FGFR1: variants seen among roughly 807,000 people sequenced by gnomAD.
FGFR1 encodes the protein FGFR1/PLAG1 fusion.
Under a neutral mutation model 93.7 loss-of-function variants are expected in FGFR1, and 18 were observed. The observed-to-expected ratio is 0.19, with a 90% confidence interval of 0.13 to 0.28. The LOEUF (loss-of-function observed/expected upper bound fraction) is 0.28. Among genes scored for constraint, FGFR1 ranks in the 10% least tolerant of loss-of-function variants. The pLI is 1.00. For missense variants in FGFR1, 731 were observed against 1,080.4 expected (o/e 0.68, Z 4.53); for synonymous variants, 448 against 429.3 (o/e 1.04, Z -0.54).
intron 2 of FGFR1, among the ~76,000 whole-genome samples, chr8:38,455,248 T>C (rs1336888313): frequency 6.6e-6 from 1 of 152,172 alleles, no homozygotes; most frequent in Non-Finnish European, 1.5e-5. Context: ...AATGTTGAGA[T>C]TACCAGCATA....
At chr8:38,443,076 G>GT (rs1169668631) in intron 2 of FGFR1, among the ~76,000 whole-genome samples, 1 of 152,208 alleles carries the variant, frequency 6.6e-6, no homozygotes, top group East Asian at 1.9e-4. Context: ...GTAGAATAGT[G>GT]GTTACCAAGG....
rs200408837 is a variant in FGFR1, at chr8:38,413,736, C to G, written c.2361G>C (p.Thr787=). ...AGACGGAATCCTCCCCTGAGGAGCA[C>G]GTAGAGCTCCGGGTGTCGGGAAAGC... The part of the protein sequence containing the change: ...SPSFPDTRSS[T]CSSGEDSVFS... The change falls in exon 18 of 18, where the codon ACG becomes ACC. Residue 787 remains threonine (T), a synonymous_variant. Transcript: ENST00000447712. This position sits in a 1 kb window ranked among gnomAD's most constrained non-coding sequence, Gnocchi z 4.2. 6.2e-7 allele frequency: 1 copy of G among 1,614,066 alleles called. No individual in the cohort carries two copies. The highest frequency in any genetic ancestry group is 1.1e-5 in the South Asian group (1 of 91,076).
At position 38,457,459 on chromosome 8, in the gene FGFR1, G is replaced by C; in HGVS notation, c.-13C>G. Reference sequence around the variant, plus strand: ...TCCAGCTCCACATCCCAGTTCTGCAGTTAGAGGTTGGTGACAAGGCTCCAC... The same window carrying C: ...TCCAGCTCCACATCCCAGTTCTGCACTTAGAGGTTGGTGACAAGGCTCCAC... On this transcript the variant is annotated 5_prime_UTR_variant, in exon 2 of 18. Coordinates refer to ENST00000447712, the MANE Select transcript of FGFR1 (RefSeq NM_023110.3). 2 of 1,613,996 alleles carry C rather than the reference G, an allele frequency of 1.2e-6. No homozygotes were observed. Among genetic ancestry groups the C allele is most frequent in the Non-Finnish European group, 1.7e-6 (2 of 1,180,004 alleles).
intron 1 of FGFR1, chr8:38,461,171 G>T (rs1197297293): frequency 2.0e-6 from 3 of 1,530,628 alleles, no homozygotes; most frequent in Non-Finnish European, 2.6e-6. Flanking sequence ...TCTCACTGGA[G>T]TACTGATCCA....
chr8:38,421,757 G>A (rs1289506103), intron 8 of FGFR1, 40 bp downstream of exon 8: 2 of 1,608,438 alleles, frequency 1.2e-6, no homozygotes, highest in East Asian at 2.2e-5. Flanking sequence ...CGTGCCCGTG[G>A]CGAGGGCAGG....
At position 38,413,987 on chromosome 8, in the gene FGFR1, G is replaced by A. The variant is rs2150522221; in HGVS notation, c.2223C>T (p.Pro741=). 1.9e-6 allele frequency: 3 copies of A among 1,614,128 alleles called. No homozygotes were observed. The highest frequency in any genetic ancestry group is 1.3e-5 in the African/African-American group (1 of 75,044). ...MMMRDCWHAV[P]SQRPTFKQLV... ...GCTGCTTGAAGGTGGGTCTCTGTGAGGGCACTGCATGCCAGCAGTCCCGCA... is the reference window on the plus strand; with the variant it reads ...GCTGCTTGAAGGTGGGTCTCTGTGAAGGCACTGCATGCCAGCAGTCCCGCA... Residue 741 remains proline (P), a synonymous_variant, in exon 17 of 18, where the codon CCC becomes CCT. Coordinates refer to ENST00000447712, the MANE Select transcript of FGFR1 (RefSeq NM_023110.3). The surrounding 1 kb of genome is among the most constrained non-coding windows in gnomAD (Gnocchi z 4.2).
At chr8:38,417,165 G>C in intron 12 of FGFR1, 141 bp downstream of exon 12, 1 of 736,062 alleles carries the variant, frequency 1.4e-6, no homozygotes, top group East Asian at 2.5e-5. Flanking sequence ...CAGATCCCGA[G>C]ATAACACATT....
Position 38,422,631 on chromosome 8 carries a change from G to C in FGFR1, c.937-690C>G, listed in dbSNP as rs553976311. 2.0e-4 allele frequency: 56 copies of C among 285,638 alleles called. No homozygotes were observed. The South Asian group carries it at 3.0e-3, about 15-fold the overall frequency. The allele number at this position is 285,638 out of a possible 1,614,324, so 17.7% of individuals were successfully genotyped here. On this transcript the variant is annotated intron_variant, in intron 7 of 17. Transcript: ENST00000447712. ...TGCCCAGGCTGGTCTCAAACTCCTG[G>C]CTTCAAGCGATCCTCCCACCTCAGC...
At chr8:38,440,971 C>T (rs1019492603) in intron 2 of FGFR1, among the ~76,000 whole-genome samples, 1 of 152,184 alleles carries the variant, frequency 6.6e-6, no homozygotes, top group Non-Finnish European at 1.5e-5. Flanking sequence ...AAAAAGATTT[C>T]GGCCTTTTGT....
At chr8:38,417,615 G>GT in intron 11 of FGFR1, 199 bp from the exon 12 acceptor site, 1 of 719,352 alleles carries the variant, frequency 1.4e-6, no homozygotes, top group Non-Finnish European at 2.4e-6. Flanking sequence ...CAGGGATGTG[G>GT]TGAGGAAAGC....
At chr8:38,467,198 C>A (rs1196508202) in intron 1 of FGFR1, among the ~76,000 whole-genome samples, 1 of 152,064 alleles carries the variant, frequency 6.6e-6, no homozygotes, top group Non-Finnish European at 1.5e-5. Context: ...CTCGGCTTAA[C>A]GACCGTGGGT....
intron 3 of FGFR1, 151 bp from the exon 4 acceptor site, chr8:38,428,586 C>T (rs1821662637): frequency 1.4e-6 from 1 of 689,686 alleles, no homozygotes; most frequent in African/African-American, 1.8e-5. Flanking sequence ...GGGATGGAAA[C>T]TGTTTAAGAA....
At chr8:38,430,111 A>G (rs1336190030) in intron 2 of FGFR1, 163 bp from the exon 3 acceptor site, 2 of 684,628 alleles carry the variant, frequency 2.9e-6, no homozygotes, top group African/African-American at 3.6e-5. Flanking sequence ...TGGGAATTGG[A>G]GCATGGGTCA....
intron 2 of FGFR1, among the ~76,000 whole-genome samples, chr8:38,433,553 G>T (rs180901552): frequency 5.6e-4 from 86 of 152,252 alleles, no homozygotes; most frequent in Middle Eastern, 3.4e-3. Context: ...TAAGTGATCT[G>T]CCCGCCTCGG....
In FGFR1 at chr8:38,429,606, C is replaced by T. The variant is rs2150951252; in HGVS notation, c.358+76G>A. The T allele has an allele frequency of 6.8e-7, 1 of 1,479,622 alleles. No homozygotes were observed. The highest frequency in any genetic ancestry group is 2.5e-5 in the East Asian group (1 of 40,276). 91.7% of individuals were successfully genotyped at this position (1,479,622 alleles called of 1,614,324 possible). ...AGATCACGGAGGGGGAGGAGGTTCA[C>T]CTTCCTCTGAAACTGGCAGAGAGGG... On this transcript the variant is annotated intron_variant, in intron 3 of 17. Coordinates refer to ENST00000447712, the MANE Select transcript of FGFR1 (RefSeq NM_023110.3). This position sits in a 1 kb window ranked among gnomAD's most constrained non-coding sequence, Gnocchi z 4.4.
At chr8:38,421,528 C>T in intron 8 of FGFR1, 1 of 533,432 alleles carries the variant, frequency 1.9e-6, no homozygotes, top group Non-Finnish European at 3.4e-6. Flanking sequence ...AGGGTAAACC[C>T]AGATCCCGGG....
intron 2 of FGFR1, among the ~76,000 whole-genome samples, chr8:38,448,763 T>C (rs779352644): frequency 1.3e-5 from 2 of 152,088 alleles, no homozygotes; most frequent in Non-Finnish European, 2.9e-5. Context: ...AAGACCAGAC[T>C]GGCCAACATG....
rs768193115 is a variant in FGFR1 at position 38,411,693 on chromosome 8, G to A, written c.*1935C>T. 2.2e-5 allele frequency: 5 copies of A among 230,592 alleles called. No homozygotes were observed. The highest frequency in any genetic ancestry group is 4.3e-5 in the Non-Finnish European group (5 of 116,310). 14.3% of individuals were successfully genotyped at this position (230,592 alleles called of 1,614,324 possible). A position where few individuals can be genotyped will look rare whatever the true frequency, so the allele number is the denominator to read the frequency against. ...GAGGAGTGGTAGTTTGAGCCATGAG[G>A]TACGGGGGAGCCAGAATCCACTTAG... On this transcript the variant is annotated 3_prime_UTR_variant, in exon 18 of 18. Coordinates refer to ENST00000447712, the MANE Select transcript of FGFR1 (RefSeq NM_023110.3).
rs572424562 is a variant in FGFR1 at position 38,411,794 on chromosome 8, TC to T, written c.*1833del. 1.7e-5 allele frequency: 4 copies of T among 229,920 alleles called. No homozygotes were observed. Among genetic ancestry groups the T allele is most frequent in the South Asian group, 3.6e-4 (2 of 5,500 alleles). The allele number at this position is 229,920 out of a possible 1,614,324, so 14.2% of individuals were successfully genotyped here. A position where few individuals can be genotyped will look rare whatever the true frequency, so the allele number is the denominator to read the frequency against. ...AAAACCAAAAACATTCGGAGAATTTTCCCCCCGTTCCTGAGGGACAGGATGG... is the reference window on the plus strand; with the variant it reads ...AAAACCAAAAACATTCGGAGAATTTTCCCCCGTTCCTGAGGGACAGGATGG... On this transcript the variant is annotated 3_prime_UTR_variant, in exon 18 of 18. Coordinates refer to ENST00000447712, the MANE Select transcript of FGFR1 (RefSeq NM_023110.3).
Sources: allele counts gnomAD v4.1 joint callset (sites outside exome capture counted in the v4.1 genomes callset), GRCh38; gene constraint gnomAD v4.1.1; non-coding constraint Gnocchi (gnomAD v3.1); transcripts MANE v1.5; gene names NCBI Gene and HGNC (gene_info 2026-07-23, HGNC 2026-07-21).